FAF1: variants seen among roughly 807,000 people sequenced by gnomAD.
FAF1 encodes the protein FAS-associated factor 1.
FAF1 carries 25 observed loss-of-function variants against 92.5 expected under a neutral mutation model. The ratio of observed to expected loss-of-function variants is 0.27; its 90% CI spans 0.20 to 0.38. The LOEUF (loss-of-function observed/expected upper bound fraction) is 0.38, where lower values mean the gene tolerates loss of function less well. Among genes scored for constraint, FAF1 ranks in the 10% least tolerant of loss-of-function variants. FAF1 has a pLI of 1.00. For synonymous variants in FAF1, 234 were observed against 273.2 expected (o/e 0.86, Z 1.42); for missense variants, 636 against 793.3 (o/e 0.80, Z 2.38).
At chr1:50,886,559 T>C (rs1213963505) in intron 1 of FAF1, among the ~76,000 whole-genome samples, 1 of 150,422 alleles carries the variant, frequency 6.6e-6, no homozygotes, top group Non-Finnish European at 1.5e-5. Context: ...CCCCGGTGTG[T>C]GATTTTCCCC....
At chr1:50,953,021 T>C (rs1421921829) in intron 1 of FAF1, among the ~76,000 whole-genome samples, 1 of 152,314 alleles carries the variant, frequency 6.6e-6, no homozygotes, top group South Asian at 2.1e-4. Flanking sequence ...GAAGTAGACA[T>C]AGGAGACTCC....
chr1:50,715,283 T>C (rs1658124608), intron 6 of FAF1, among the ~76,000 whole-genome samples: 2 of 152,196 alleles, frequency 1.3e-5, no homozygotes, highest in African/African-American at 4.8e-5. Context: ...TTTTCTATAC[T>C]GTTTCTTAAT....
rs1364155348 is a variant in FAF1 at position 50,819,778 on chromosome 1, C to CGT, written c.115-18102_115-18101insAC. On this transcript the variant is annotated intron_variant, in intron 2 of 18. Transcript: ENST00000396153. ...ATATATATATACGTATATATATATA[C>CGT]ATATATATACATATATATATATACA... is the stretch of plus-strand genomic sequence containing the variant. Among the ~76,000 whole-genome samples, 183 of 30,450 alleles carry CGT rather than the reference C, an allele frequency of 6.0e-3. 10 individuals carry two copies. The highest frequency in any genetic ancestry group is 0.019 in the African/African-American group (176 of 9,346). 20.0% of individuals were successfully genotyped at this position (30,450 alleles called of 152,430 possible). A position where few individuals can be genotyped will look rare whatever the true frequency, so the allele number is the denominator to read the frequency against.
Position 50,655,484 on chromosome 1 carries a change from G to A in FAF1, c.702C>T (p.His234=), listed in dbSNP as rs763259918. ...VYDLTSIPVR[H]QLWEGWPTSA... ...AAGTTGGCCAGCCCTCCCATAATTG[G>A]TGGCGAACGGGGATACTTGTAAGGT... The change falls in exon 8 of 19, where the codon CAC becomes CAT. Residue 234 remains histidine (H), a synonymous_variant. Transcript: ENST00000396153. The A allele has an allele frequency of 1.2e-6, 2 of 1,613,628 alleles. No individual in the cohort carries two copies. Among genetic ancestry groups the A allele is most frequent in the African/African-American group, 1.3e-5 (1 of 74,904 alleles).
intron 1 of FAF1, among the ~76,000 whole-genome samples, chr1:50,919,812 T>C (rs1173994811): frequency 2.0e-5 from 3 of 152,172 alleles, no homozygotes; most frequent in Non-Finnish European, 4.4e-5. Context: ...TGAAGTAGTA[T>C]AAAGCAATTA....
chr1:50,821,297 G>T (rs1027393109), intron 2 of FAF1, among the ~76,000 whole-genome samples: 1 of 152,142 alleles, frequency 6.6e-6, no homozygotes, highest in African/African-American at 2.4e-5. Flanking sequence ...TCAAACTCCT[G>T]CTTCCAGTGA....
intron 7 of FAF1, among the ~76,000 whole-genome samples, chr1:50,693,252 C>T (rs1022503844): frequency 1.3e-5 from 2 of 152,084 alleles, no homozygotes; most frequent in Non-Finnish European, 2.9e-5. Context: ...TGTGAGGGAA[C>T]AGTCCAGTTT....
At chr1:50,542,715 T>C (rs1382602811) in intron 13 of FAF1, among the ~76,000 whole-genome samples, 1 of 152,158 alleles carries the variant, frequency 6.6e-6, no homozygotes, top group East Asian at 1.9e-4. Context: ...CAAAGGGAAA[T>C]GGCTCTGTTT....
chr1:50,706,496 G>C (rs1657680109), intron 6 of FAF1, among the ~76,000 whole-genome samples: 1 of 152,054 alleles, frequency 6.6e-6, no homozygotes, highest in African/African-American at 2.4e-5. Context: ...CCAAAATTTA[G>C]AAATTTATCA....
chr1:50,883,326 G>C (rs975654928), intron 1 of FAF1, among the ~76,000 whole-genome samples: 1 of 152,140 alleles, frequency 6.6e-6, no homozygotes, highest in African/African-American at 2.4e-5. Context: ...TTTGCAAAAT[G>C]CTAAAGTATC....
At chr1:50,474,830 AT>A (rs1318899904) in intron 18 of FAF1, among the ~76,000 whole-genome samples, 1 of 152,248 alleles carries the variant, frequency 6.6e-6, no homozygotes, top group Non-Finnish European at 1.5e-5. Context: ...AAAAGATTAA[AT>A]ACAGAGCCTC....
At chr1:50,837,729 T>C (rs750887722) in intron 2 of FAF1, among the ~76,000 whole-genome samples, 37 of 151,252 alleles carry the variant, frequency 2.4e-4, no homozygotes, top group Admixed American at 1.3e-3. Flanking sequence ...AAAGATAGGG[T>C]TGGGAAAGGG....
chr1:50,878,074 A>G (rs934594311), intron 1 of FAF1, among the ~76,000 whole-genome samples: 2 of 152,196 alleles, frequency 1.3e-5, no homozygotes, highest in African/African-American at 4.8e-5. Context: ...AAAACAATAT[A>G]TAACATTTCT....
intron 8 of FAF1, among the ~76,000 whole-genome samples, chr1:50,621,088 C>T (rs1235124065): frequency 6.6e-6 from 1 of 152,252 alleles, no homozygotes; most frequent in African/African-American, 2.4e-5. Flanking sequence ...TCCTCCCCTG[C>T]TCAAGTGTTG....
chr1:50,837,207 T>C (rs1644215256), intron 2 of FAF1, among the ~76,000 whole-genome samples: 1 of 152,062 alleles, frequency 6.6e-6, no homozygotes, highest in Non-Finnish European at 1.5e-5. Flanking sequence ...CTGCCCATCT[T>C]GGCCTCCCAA....
intron 1 of FAF1, among the ~76,000 whole-genome samples, chr1:50,930,637 C>T (rs1645040011): frequency 6.6e-6 from 1 of 152,128 alleles, no homozygotes; most frequent in South Asian, 2.1e-4. Flanking sequence ...AGATCGAGAC[C>T]ATCCTGGCTA....
chr1:50,830,674 T>TA (rs922583129), intron 2 of FAF1, among the ~76,000 whole-genome samples: 5 of 151,306 alleles, frequency 3.3e-5, no homozygotes, highest in African/African-American at 1.2e-4. Flanking sequence ...TTTTTTTTTT[T>TA]ACCAACTCCA....
intron 7 of FAF1, among the ~76,000 whole-genome samples, chr1:50,702,935 T>C (rs1166559262): frequency 6.6e-6 from 1 of 152,092 alleles, no homozygotes; most frequent in Non-Finnish European, 1.5e-5. Context: ...CTGTTTCATT[T>C]AATAGAAATT....
chr1:50,728,963 G>A (rs1291882352), intron 6 of FAF1, among the ~76,000 whole-genome samples: 1 of 146,934 alleles, frequency 6.8e-6, no homozygotes, highest in Non-Finnish European at 1.5e-5. Flanking sequence ...GGGAAAAAAA[G>A]TCATTAAATA....
Sources: gnomAD v4.1 joint callset for allele counts (sites outside exome capture counted in the v4.1 genomes callset) on GRCh38, gnomAD v4.1.1 for gene constraint, MANE v1.5 for transcripts, NCBI Gene and HGNC (gene_info 2026-07-23, HGNC 2026-07-21) for gene names.